Variants in NXPH1 observed in about 807,000 individuals in gnomAD.
The protein encoded by NXPH1 is neurexophilin 1.
In NXPH1, 5 loss-of-function variants were observed where a neutral mutation model predicts 23.7. The observed-to-expected ratio is 0.21, with a 90% confidence interval of 0.11 to 0.44. The LOEUF is 0.44. NXPH1 is among the 20% of genes least tolerant of loss of function. NXPH1 has a pLI of 0.99. For synonymous variants in NXPH1, 144 were observed against 122.2 expected (o/e 1.18, Z -1.18); for missense variants, 324 against 321.6 (o/e 1.01, Z -0.06).
At chr7:8,510,185 G>A (rs1185053787) in intron 2 of NXPH1, among the ~76,000 whole-genome samples, 9 of 152,118 alleles carry the variant, frequency 5.9e-5, no homozygotes, top group African/African-American at 1.4e-4. Context: ...AAGGGTGCCT[G>A]GGGAGGCCAG....
chr7:8,665,737 T>G (rs1820750122), intron 2 of NXPH1, among the ~76,000 whole-genome samples: 1 of 151,576 alleles, frequency 6.6e-6, no homozygotes, highest in African/African-American at 2.4e-5. Flanking sequence ...CCTTCTTAGC[T>G]GAATTATTTT....
intron 2 of NXPH1, among the ~76,000 whole-genome samples, chr7:8,591,032 A>G (rs1355623724): frequency 2.0e-5 from 3 of 152,048 alleles, no homozygotes; most frequent in Non-Finnish European, 1.5e-5. Flanking sequence ...GAAGTGTTTA[A>G]TTTGCTACCA....
intron 2 of NXPH1, among the ~76,000 whole-genome samples, chr7:8,578,034 C>T (rs1450038672): frequency 6.6e-6 from 1 of 152,150 alleles, no homozygotes; most frequent in African/African-American, 2.4e-5. Context: ...AACCACACTA[C>T]TTTTACATTT....
chr7:8,751,460 C>T lies in NXPH1; in HGVS notation c.507C>T (p.Pro169=), dbSNP rs116123106. Residue 169 remains proline, a synonymous_variant, in exon 3 of 3, where the codon CCC becomes CCT. Transcript: ENST00000405863. The surrounding 1 kb of genome is among the most constrained non-coding windows in gnomAD (Gnocchi z 4.5). ...GGAATGTATCTGTCAGCTTGGTACC[C>T]CCTACAAAAATCGTGGAATTTGACT... The part of the protein sequence containing the change: ...GQGNVSVSLV[P]PTKIVEFDLA... 4.3e-4 allele frequency: 692 copies of T among 1,613,746 alleles called. 3 individuals are homozygous for T. The African/African-American group carries it at 8.5e-3, about 20-fold the overall frequency.
At chr7:8,537,934 G>T (rs371618420) in intron 2 of NXPH1, among the ~76,000 whole-genome samples, 1 of 151,822 alleles carries the variant, frequency 6.6e-6, no homozygotes, top group African/African-American at 2.4e-5. Flanking sequence ...CAACTCACTC[G>T]TGTGAAAGGC....
intron 2 of NXPH1, among the ~76,000 whole-genome samples, chr7:8,517,531 A>C (rs1817705517): frequency 6.6e-6 from 1 of 152,150 alleles, no homozygotes; most frequent in African/African-American, 2.4e-5. Context: ...ATCCTTGCAC[A>C]TCAGTGTTTG....
chr7:8,730,095 T>A (rs1206673524), intron 2 of NXPH1, among the ~76,000 whole-genome samples: 1 of 152,002 alleles, frequency 6.6e-6, no homozygotes, highest in Admixed American at 6.6e-5. Context: ...CATTATGTAA[T>A]GGCCTTCTTT....
At chr7:8,698,321 C>G (rs965404882) in intron 2 of NXPH1, among the ~76,000 whole-genome samples, 7 of 152,100 alleles carry the variant, frequency 4.6e-5, no homozygotes, top group Non-Finnish European at 8.8e-5. Context: ...CTAAGTTTTT[C>G]AGGAATACAA....
chr7:8,575,815 A>G (rs10232535), intron 2 of NXPH1, among the ~76,000 whole-genome samples: 9,224 of 151,628 alleles, frequency 0.061, 906 homozygotes, highest in African/African-American at 0.2. Context: ...TGGCTTATGT[A>G]TAGGCCCATT....
intron 2 of NXPH1, among the ~76,000 whole-genome samples, chr7:8,558,073 A>C (rs929262584): frequency 6.6e-6 from 1 of 151,642 alleles, no homozygotes; most frequent in Non-Finnish European, 1.5e-5. Flanking sequence ...TGTCCTCCCT[A>C]ATTTGATATT....
chr7:8,583,620 A>G (rs1818925039), intron 2 of NXPH1, among the ~76,000 whole-genome samples: 1 of 152,140 alleles, frequency 6.6e-6, no homozygotes, highest in African/African-American at 2.4e-5. Context: ...AGAATCGAGG[A>G]TGCCACTACC....
intron 2 of NXPH1, among the ~76,000 whole-genome samples, chr7:8,730,908 T>C (rs1256703649): frequency 2.6e-5 from 4 of 151,304 alleles, no homozygotes; most frequent in Admixed American, 6.6e-5. Flanking sequence ...ATTGGGGATG[T>C]TCTCCTGGAT....
chr7:8,602,578 A>C (rs1037700575), intron 2 of NXPH1, among the ~76,000 whole-genome samples: 1 of 152,136 alleles, frequency 6.6e-6, no homozygotes, highest in East Asian at 1.9e-4. Flanking sequence ...TTACTCTGCT[A>C]TTCAGCTCAT....
At chr7:8,598,827 C>T (rs1167470278) in intron 2 of NXPH1, among the ~76,000 whole-genome samples, 2 of 152,028 alleles carry the variant, frequency 1.3e-5, no homozygotes, top group Admixed American at 1.3e-4. Context: ...TCTGTATAGC[C>T]TGGTAAGAGT....
At chr7:8,696,055 C>T (rs1049752853) in intron 2 of NXPH1, among the ~76,000 whole-genome samples, 2 of 152,176 alleles carry the variant, frequency 1.3e-5, no homozygotes, top group Admixed American at 1.3e-4. Context: ...TTCATGTGTG[C>T]ACTGTAACTT....
intron 2 of NXPH1, among the ~76,000 whole-genome samples, chr7:8,519,237 T>TA (rs1817731928): frequency 2.6e-5 from 4 of 152,144 alleles, no homozygotes; most frequent in Admixed American, 1.3e-4. Flanking sequence ...TAAAAAATTA[T>TA]AAAAAAGGTA....
chr7:8,473,593 C>T (rs188743992), intron 2 of NXPH1, among the ~76,000 whole-genome samples: 1 of 152,124 alleles, frequency 6.6e-6, no homozygotes, highest in African/African-American at 2.4e-5. Context: ...CGCTCCCACA[C>T]AAACTTTTGT....
At chr7:8,440,530 A>G (rs1039135702) in intron 2 of NXPH1, among the ~76,000 whole-genome samples, 4 of 152,162 alleles carry the variant, frequency 2.6e-5, no homozygotes, top group African/African-American at 9.7e-5. Flanking sequence ...GGTGAAAAAT[A>G]TATCAGGTGG....
At chr7:8,534,148 G>A (rs1184662370) in intron 2 of NXPH1, among the ~76,000 whole-genome samples, 1 of 152,052 alleles carries the variant, frequency 6.6e-6, no homozygotes, top group African/African-American at 2.4e-5. Context: ...TTATAGATGG[G>A]ATTTCTCTAC....
Sources: allele counts gnomAD v4.1 joint callset (sites outside exome capture counted in the v4.1 genomes callset), GRCh38; gene constraint gnomAD v4.1.1; non-coding constraint Gnocchi (gnomAD v3.1); transcripts MANE v1.5; gene names NCBI Gene and HGNC (gene_info 2026-07-23, HGNC 2026-07-21).